The following TSPAN18 variants were observed in gnomAD, a reference collection of about 807,000 sequenced individuals.
The protein encoded by TSPAN18 is tetraspanin-18.
TSPAN18 carries 14 observed loss-of-function variants against 27.3 expected under a neutral mutation model. The ratio of observed to expected loss-of-function variants is 0.51; its 90% CI spans 0.34 to 0.80. The LOEUF (loss-of-function observed/expected upper bound fraction) is 0.80. Among genes scored for constraint, TSPAN18 ranks in the 30% least tolerant of loss-of-function variants. The pLI is 0.01. For synonymous variants in TSPAN18, 143 were observed against 136.5 expected (o/e 1.05, Z -0.33); for missense variants, 268 against 323.9 (o/e 0.83, Z 1.32).
chr11:44,788,737 G>A (rs1348181024), intron 2 of TSPAN18, among the ~76,000 whole-genome samples: 2 of 152,122 alleles, frequency 1.3e-5, no homozygotes, highest in African/African-American at 4.8e-5. Flanking sequence ...TTGAGCCACC[G>A]CACCCGGCCT....
Position 44,759,998 on chromosome 11 carries a change from G to A in TSPAN18, c.-239-4428G>A, listed in dbSNP as rs551849273. Reference sequence around the variant, plus strand: ...AGTGAGGGGAGGGGTGAAACTCAGGGTTAGGAAAGGAAGAGAGGAATTCCA... The same window carrying A: ...AGTGAGGGGAGGGGTGAAACTCAGGATTAGGAAAGGAAGAGAGGAATTCCA... On this transcript the variant is annotated intron_variant, in intron 1 of 9. Coordinates refer to ENST00000520358, the MANE Select transcript of TSPAN18 (RefSeq NM_130783.5). 2.0e-5 allele frequency among the ~76,000 whole-genome samples: 3 copies of A among 152,334 alleles called. No homozygotes were observed. The South Asian group carries it at 6.2e-4, about 32-fold the overall frequency.
At chr11:44,878,157 A>C (rs914329703) in intron 3 of TSPAN18, among the ~76,000 whole-genome samples, 1 of 152,016 alleles carries the variant, frequency 6.6e-6, no homozygotes, top group African/African-American at 2.4e-5. Flanking sequence ...GCTCCACCCC[A>C]GACACCCCAG....
chr11:44,908,751 A>C lies in TSPAN18; in HGVS notation c.64-954A>C, dbSNP rs1045754874. ...TGTCTCAAAAAAGAAAGAAAGAGAG[A>C]GAGAGAGAGAGAGAAAGGAGAAAGA... On this transcript the variant is annotated intron_variant, in intron 4 of 9. Transcript: ENST00000520358. Among the ~76,000 whole-genome samples the C allele has an allele frequency of 1.2e-3, 112 of 96,676 alleles. 4 individuals are homozygous for C. The highest frequency in any genetic ancestry group is 5.0e-3 in the African/African-American group (108 of 21,682). The allele number at this position is 96,676 out of a possible 152,430, so 63.4% of individuals were successfully genotyped here.
intron 3 of TSPAN18, among the ~76,000 whole-genome samples, chr11:44,873,636 A>T (rs1052760269): frequency 6.6e-6 from 1 of 152,204 alleles, no homozygotes; most frequent in African/African-American, 2.4e-5. Context: ...AGGCCTGGGG[A>T]AGCTGAGGGG....
At chr11:44,866,433 A>C (rs1858037957) in intron 3 of TSPAN18, among the ~76,000 whole-genome samples, 1 of 152,154 alleles carries the variant, frequency 6.6e-6, no homozygotes, top group Admixed American at 6.5e-5. Context: ...GAGCCCACAC[A>C]GGGGCCCCGC....
intron 5 of TSPAN18, among the ~76,000 whole-genome samples, chr11:44,915,336 A>C (rs117874634): frequency 0.02 from 3,031 of 152,316 alleles, 122 homozygotes; most frequent in East Asian, 0.14. Context: ...CTGCAGAGGC[A>C]GAAAACACAT....
At chr11:44,813,900 T>C (rs745703456) in intron 2 of TSPAN18, among the ~76,000 whole-genome samples, 2 of 152,156 alleles carry the variant, frequency 1.3e-5, no homozygotes, top group African/African-American at 2.4e-5. Flanking sequence ...GCCTGCATAA[T>C]GCAGGGGCCA....
At chr11:44,864,653 C>A (rs1465239541) in intron 3 of TSPAN18, among the ~76,000 whole-genome samples, 3 of 152,172 alleles carry the variant, frequency 2.0e-5, no homozygotes, top group South Asian at 4.1e-4. Context: ...TGCACATGGA[C>A]CTTATGGGGT....
intron 2 of TSPAN18, among the ~76,000 whole-genome samples, chr11:44,825,939 T>C (rs1171432792): frequency 2.0e-5 from 3 of 152,192 alleles, no homozygotes; most frequent in Non-Finnish European, 2.9e-5. Flanking sequence ...CTGTCCTCTT[T>C]CTGACTGTGG....
chr11:44,848,362 T>A (rs1371185266), intron 2 of TSPAN18, among the ~76,000 whole-genome samples: 1 of 152,196 alleles, frequency 6.6e-6, no homozygotes, highest in Non-Finnish European at 1.5e-5. Flanking sequence ...GGAGGCTGGC[T>A]CTGCTGGCTC....
At chr11:44,832,938 T>C (rs531035021) in intron 2 of TSPAN18, among the ~76,000 whole-genome samples, 1 of 152,222 alleles carries the variant, frequency 6.6e-6, no homozygotes, top group East Asian at 1.9e-4. Context: ...CCTGGATGTC[T>C]ATCAAATAAG....
chr11:44,897,888 G>A (rs975960541), intron 3 of TSPAN18: 121 of 1,283,708 alleles, frequency 9.4e-5, no homozygotes, highest in East Asian at 1.7e-4. Flanking sequence ...CACCTGACAC[G>A]GTCCCATCTC....
intron 2 of TSPAN18, among the ~76,000 whole-genome samples, chr11:44,814,156 T>A (rs1856774884): frequency 6.6e-6 from 1 of 152,194 alleles, no homozygotes; most frequent in Non-Finnish European, 1.5e-5. Flanking sequence ...CAGACTTCAT[T>A]TCCTTTACCA....
intron 2 of TSPAN18, among the ~76,000 whole-genome samples, chr11:44,832,806 T>C (rs1857183608): frequency 6.6e-6 from 1 of 152,134 alleles, no homozygotes; most frequent in South Asian, 2.1e-4. Flanking sequence ...CCCACTGACT[T>C]CACTTATCCA....
chr11:44,842,377 G>C (rs1255175816), intron 2 of TSPAN18, among the ~76,000 whole-genome samples: 1 of 152,340 alleles, frequency 6.6e-6, no homozygotes, highest in Admixed American at 6.5e-5. Flanking sequence ...CCCATGTAAA[G>C]ATACATCTGC....
intron 3 of TSPAN18, among the ~76,000 whole-genome samples, chr11:44,887,316 A>T (rs1292596647): frequency 1.3e-5 from 2 of 152,196 alleles, no homozygotes; most frequent in Non-Finnish European, 1.5e-5. Context: ...AGTGAATTAG[A>T]ACATGCAACG....
At chr11:44,782,574 AACTG>A (rs1855963904) in intron 2 of TSPAN18, among the ~76,000 whole-genome samples, 1 of 151,882 alleles carries the variant, frequency 6.6e-6, no homozygotes, top group Non-Finnish European at 1.5e-5. Context: ...AAAGAAAAGA[AACTG>A]ACTGCCAAGC....
At chr11:44,837,534 G>A (rs576024279) in intron 2 of TSPAN18, among the ~76,000 whole-genome samples, 2 of 152,340 alleles carry the variant, frequency 1.3e-5, no homozygotes, top group Non-Finnish European at 2.9e-5. Context: ...CAGTGGCAGG[G>A]TTTCAAAGGA....
chr11:44,903,163 T>C (rs191193067), intron 3 of TSPAN18, among the ~76,000 whole-genome samples: 75 of 151,538 alleles, frequency 4.9e-4, no homozygotes, highest in African/African-American at 1.7e-3. Flanking sequence ...GATATTATAC[T>C]AGGGGAAGGC....
Sources: allele counts gnomAD v4.1 joint callset (sites outside exome capture counted in the v4.1 genomes callset), GRCh38; gene constraint gnomAD v4.1.1; transcripts MANE v1.5; gene names NCBI Gene and HGNC (gene_info 2026-07-23, HGNC 2026-07-21).